RIMS2: variants seen among roughly 807,000 people sequenced by gnomAD.
RIMS2 encodes regulating synaptic membrane exocytosis 2.
Under a neutral mutation model 174.4 loss-of-function variants are expected in RIMS2, and 59 were observed. The ratio of observed to expected loss-of-function variants is 0.34; its 90% CI spans 0.27 to 0.42. The LOEUF is 0.42. Ranked by LOEUF, RIMS2 falls within the 10% of genes least tolerant of loss-of-function variation. The pLI, the probability that RIMS2 is intolerant of heterozygous loss-of-function variation, is 1.00. For missense variants in RIMS2, 1,620 were observed against 1,666.3 expected (o/e 0.97, Z 0.48); for synonymous variants, 606 against 572.5 (o/e 1.06, Z -0.84).
At chr8:104,073,203 A>T (rs1451111663) in intron 19 of RIMS2, among the ~76,000 whole-genome samples, 1 of 152,216 alleles carries the variant, frequency 6.6e-6, no homozygotes, top group Non-Finnish European at 1.5e-5. Flanking sequence ...AATTATCAAT[A>T]CTTAAAAGTC....
intron 15 of RIMS2, among the ~76,000 whole-genome samples, chr8:103,971,571 G>GTT (rs887127417): frequency 1.4e-5 from 2 of 145,546 alleles, no homozygotes; most frequent in Admixed American, 6.9e-5. Flanking sequence ...TAGTAGCATA[G>GTT]TTTTTTTTTT....
intron 1 of RIMS2, among the ~76,000 whole-genome samples, chr8:103,505,386 C>G (rs1033269667): frequency 6.6e-6 from 1 of 152,056 alleles, no homozygotes; most frequent in Non-Finnish European, 1.5e-5. Context: ...GAGGTCAGTT[C>G]CACATCTGTG....
intron 1 of RIMS2, among the ~76,000 whole-genome samples, chr8:103,527,381 T>C (rs1256592175): frequency 6.6e-6 from 1 of 152,192 alleles, no homozygotes; most frequent in Non-Finnish European, 1.5e-5. Flanking sequence ...CAGTATACTT[T>C]ATTTTTTATT....
intron 3 of RIMS2, among the ~76,000 whole-genome samples, chr8:103,820,370 A>G (rs2098744425): frequency 6.6e-6 from 1 of 151,744 alleles, no homozygotes; most frequent in Non-Finnish European, 1.5e-5. Context: ...CATGCTTAGT[A>G]AAAAAAAGAC....
chr8:104,124,556 T>C (rs1280001229), intron 19 of RIMS2, among the ~76,000 whole-genome samples: 1 of 152,150 alleles, frequency 6.6e-6, no homozygotes, highest in Non-Finnish European at 1.5e-5. Flanking sequence ...ATGCCAAAAG[T>C]ATCTTATTAG....
At chr8:103,699,900 A>G (rs2097149123) in intron 2 of RIMS2, among the ~76,000 whole-genome samples, 1 of 152,116 alleles carries the variant, frequency 6.6e-6, no homozygotes, top group African/African-American at 2.4e-5. Flanking sequence ...TCTTTTTGTT[A>G]ATGATTTCTA....
At chr8:104,051,843 T>C (rs1021114221) in intron 19 of RIMS2, among the ~76,000 whole-genome samples, 1 of 152,162 alleles carries the variant, frequency 6.6e-6, no homozygotes, top group Non-Finnish European at 1.5e-5. Flanking sequence ...GCTGATTAAG[T>C]GACAGACATA....
intron 19 of RIMS2, among the ~76,000 whole-genome samples, chr8:104,157,914 G>C (rs2098734434): frequency 6.6e-6 from 1 of 151,742 alleles, no homozygotes; most frequent in Non-Finnish European, 1.5e-5. Context: ...TCTAATTATT[G>C]TTATTATTAT....
intron 1 of RIMS2, among the ~76,000 whole-genome samples, chr8:103,622,700 T>C (rs1184464356): frequency 3.3e-5 from 5 of 152,188 alleles, no homozygotes; most frequent in Non-Finnish European, 5.9e-5. Flanking sequence ...TCAGTATATC[T>C]GCCTTATTTG....
chr8:103,823,651 T>G (rs1593181459), intron 3 of RIMS2, among the ~76,000 whole-genome samples: 1 of 152,210 alleles, frequency 6.6e-6, no homozygotes, highest in East Asian at 1.9e-4. Flanking sequence ...GTAGCATTTA[T>G]TATTGCTTTG....
intron 19 of RIMS2, chr8:104,223,324 G>A (rs945629599): frequency 1.9e-6 from 2 of 1,050,684 alleles, no homozygotes; most frequent in Non-Finnish European, 1.2e-6. Flanking sequence ...TGCGCGGGGA[G>A]GGCAGCGAGA....
intron 20 of RIMS2, among the ~76,000 whole-genome samples, chr8:104,245,761 A>G (rs1257983141): frequency 6.6e-6 from 1 of 152,218 alleles, no homozygotes; most frequent in Non-Finnish European, 1.5e-5. Context: ...AGATGTTTAG[A>G]TAACCTATGT....
intron 19 of RIMS2, among the ~76,000 whole-genome samples, chr8:104,121,869 G>A (rs1170291884): frequency 6.6e-6 from 1 of 152,184 alleles, no homozygotes; most frequent in African/African-American, 2.4e-5. Flanking sequence ...ACTGAGGCAG[G>A]AGAATCACTT....
At chr8:104,036,446 C>T (rs1010803829) in intron 19 of RIMS2, among the ~76,000 whole-genome samples, 2 of 151,936 alleles carry the variant, frequency 1.3e-5, no homozygotes, top group Non-Finnish European at 2.9e-5. Context: ...CCACACCACC[C>T]GGTCTGGAAA....
At chr8:103,652,505 C>A in intron 1 of RIMS2, 119 bp from the exon 3 acceptor site, 2 of 470,526 alleles carry the variant, frequency 4.3e-6, no homozygotes, top group Non-Finnish European at 7.5e-6. Flanking sequence ...ATAATTGGAG[C>A]TCACATTACC....
intron 1 of RIMS2, among the ~76,000 whole-genome samples, chr8:103,641,282 AT>A (rs756450677): frequency 2.0e-5 from 3 of 152,134 alleles, no homozygotes; most frequent in Non-Finnish European, 2.9e-5. Flanking sequence ...TTAGAGGTGT[AT>A]GTAATGATTT....
chr8:104,214,489 C>A (rs1412550234), intron 19 of RIMS2, among the ~76,000 whole-genome samples: 2 of 152,042 alleles, frequency 1.3e-5, no homozygotes, highest in Non-Finnish European at 2.9e-5. Flanking sequence ...ACTCTGTCAC[C>A]CAGGCTGGAG....
At chr8:103,949,135 A>AT (rs1009319221) in intron 14 of RIMS2, among the ~76,000 whole-genome samples, 2 of 145,310 alleles carry the variant, frequency 1.4e-5, no homozygotes, top group African/African-American at 5.3e-5. Context: ...AAAAAAAAAA[A>AT]AAAAAAAAAA....
At chr8:104,101,773 A>G (rs2097907944) in intron 19 of RIMS2, among the ~76,000 whole-genome samples, 1 of 152,244 alleles carries the variant, frequency 6.6e-6, no homozygotes. Context: ...TTTTTGTTAC[A>G]TAACTGAAAT....
Sources: allele counts gnomAD v4.1 joint callset (sites outside exome capture counted in the v4.1 genomes callset), GRCh38; gene constraint gnomAD v4.1.1; transcripts MANE v1.5; gene names NCBI Gene and HGNC (gene_info 2026-07-23, HGNC 2026-07-21).